Variants in PAK1 observed in about 807,000 individuals in gnomAD.
PAK1 encodes p21 (RAC1) activated kinase 1, also known as serine/threonine-protein kinase PAK 1.
PAK1 carries 29 observed loss-of-function variants against 67.4 expected under a neutral mutation model. That is an observed-to-expected ratio of 0.43 (90% CI 0.32 to 0.59). The LOEUF (loss-of-function observed/expected upper bound fraction) is 0.59. Among genes scored for constraint, PAK1 ranks in the 20% least tolerant of loss-of-function variants. PAK1 has a pLI of 0.07. For synonymous variants in PAK1, 223 were observed against 237.4 expected (o/e 0.94, Z 0.56); for missense variants, 337 against 670.7 (o/e 0.50, Z 5.50).
At chr11:77,489,480 G>C in the PAK1 span, among the ~76,000 whole-genome samples, 1 of 147,948 alleles carries the variant, frequency 6.8e-6, no homozygotes, top group Non-Finnish European at 1.5e-5. Flanking sequence ...CTCTTTCCAC[G>C]GTCTCCCTCT....
intron 2 of PAK1, among the ~76,000 whole-genome samples, chr11:77,382,289 C>T (rs1437967321): frequency 6.6e-6 from 1 of 152,116 alleles, no homozygotes; most frequent in Non-Finnish European, 1.5e-5. Context: ...AATACATGAA[C>T]ACACAGGGTA....
the PAK1 span, among the ~76,000 whole-genome samples, chr11:77,489,769 G>C: frequency 6.6e-6 from 1 of 151,822 alleles, no homozygotes; most frequent in Non-Finnish European, 1.5e-5. Flanking sequence ...TGCCCAGGCT[G>C]GAGTGCAGTG....
intron 1 of PAK1, among the ~76,000 whole-genome samples, chr11:77,425,366 G>C (rs1312479034): frequency 6.6e-6 from 1 of 151,816 alleles, no homozygotes; most frequent in Non-Finnish European, 1.5e-5. Flanking sequence ...TACTCGGTCA[G>C]CCAAGGTTTC....
intron 1 of PAK1, among the ~76,000 whole-genome samples, chr11:77,414,092 T>C (rs973896944): frequency 6.6e-6 from 1 of 152,246 alleles, no homozygotes; most frequent in African/African-American, 2.4e-5. Context: ...TGTAAATTTC[T>C]AATTCTGCTC....
At chr11:77,344,698 C>T (rs1944138736) in intron 9 of PAK1, among the ~76,000 whole-genome samples, 1 of 152,178 alleles carries the variant, frequency 6.6e-6, no homozygotes, top group Non-Finnish European at 1.5e-5. Context: ...GCATACATAG[C>T]TATTCAATAG....
the PAK1 span, among the ~76,000 whole-genome samples, chr11:77,495,439 A>T: frequency 6.6e-6 from 1 of 152,152 alleles, no homozygotes; most frequent in Non-Finnish European, 1.5e-5. Context: ...GCACAACTGC[A>T]CTCCAGCCTG....
At chr11:77,514,828 T>C in the PAK1 span, 4 of 8,346 alleles carry the variant, frequency 4.8e-4, no homozygotes, top group African/African-American at 2.4e-3. Context: ...ATCATCTCAA[T>C]CCTCATAACA....
intron 1 of PAK1, among the ~76,000 whole-genome samples, chr11:77,470,848 AAAAC>A (rs1212547772): frequency 1.3e-5 from 2 of 152,338 alleles, no homozygotes; most frequent in South Asian, 2.1e-4. Context: ...GGTGGTGGTT[AAAAC>A]AAACAAACGA....
At chr11:77,453,358 A>G (rs1956942472) in intron 1 of PAK1, among the ~76,000 whole-genome samples, 1 of 147,182 alleles carries the variant, frequency 6.8e-6, no homozygotes, top group African/African-American at 2.6e-5. Context: ...CAGTCTCAGG[A>G]AAAAAAAAAA....
chr11:77,504,240 A>G, the PAK1 span, among the ~76,000 whole-genome samples: 54,023 of 151,816 alleles, frequency 0.36, 10,877 homozygotes, highest in Admixed American at 0.49. Flanking sequence ...TAGTTTGTTA[A>G]TATAAATAGC....
At chr11:77,329,923 A>C (rs981060636) in intron 14 of PAK1, among the ~76,000 whole-genome samples, 1 of 152,190 alleles carries the variant, frequency 6.6e-6, no homozygotes, top group Non-Finnish European at 1.5e-5. Context: ...GCTGATAAGC[A>C]ACTTCAGCTA....
the PAK1 span, among the ~76,000 whole-genome samples, chr11:77,496,203 G>C: frequency 4.0e-5 from 6 of 151,874 alleles, no homozygotes; most frequent in South Asian, 1.1e-3. Flanking sequence ...ATTTTTAGTA[G>C]AGACGGGGTT....
At chr11:77,498,746 G>T in the PAK1 span, among the ~76,000 whole-genome samples, 2 of 116,944 alleles carry the variant, frequency 1.7e-5, no homozygotes, top group Admixed American at 1.3e-4. Flanking sequence ...CTGTCACTAG[G>T]CTGGAATGCA....
intron 1 of PAK1, among the ~76,000 whole-genome samples, chr11:77,450,043 CT>C (rs750218811): frequency 2.6e-5 from 4 of 152,124 alleles, no homozygotes; most frequent in Non-Finnish European, 5.9e-5. Flanking sequence ...CTTCAGACTC[CT>C]TTTCTGCGAA....
the PAK1 span, among the ~76,000 whole-genome samples, chr11:77,483,195 C>G: frequency 2.4e-5 from 3 of 123,892 alleles, no homozygotes; most frequent in Admixed American, 8.3e-5. Flanking sequence ...GAGACTCCAT[C>G]TCAAAAAAAA....
the PAK1 span, among the ~76,000 whole-genome samples, chr11:77,486,559 T>C: frequency 6.6e-5 from 10 of 152,190 alleles, no homozygotes; most frequent in African/African-American, 2.4e-4. Flanking sequence ...CATCTTGAAT[T>C]GCAGACACCA....
intron 1 of PAK1, among the ~76,000 whole-genome samples, chr11:77,416,177 C>T (rs1045036111): frequency 2.6e-5 from 4 of 152,142 alleles, no homozygotes; most frequent in African/African-American, 9.7e-5. Flanking sequence ...CGGAGTTTCA[C>T]CATGTTGTCC....
intron 1 of PAK1, among the ~76,000 whole-genome samples, chr11:77,465,352 A>G (rs1165052268): frequency 1.3e-5 from 2 of 152,142 alleles, no homozygotes; most frequent in African/African-American, 4.8e-5. Flanking sequence ...TTATAAAAAT[A>G]TGATGGCTAA....
Position 77,374,359 on chromosome 11 carries a change from G to T in PAK1, c.446C>A (p.Ser149Ter). 6.3e-7 allele frequency: 1 copy of T among 1,596,006 alleles called. No homozygotes were observed. Among genetic ancestry groups the T allele is most frequent in the Non-Finnish European group, 8.6e-7 (1 of 1,163,788 alleles). The change falls in exon 5 of 15, where the codon TCA (serine) becomes TAA (stop). Residue 149 changes from serine (S) to a stop codon, truncating the protein, a stop_gained. Transcript: ENST00000356341. LOFTEE classifies it high-confidence loss of function. ...ATTAGAAGAATTGTAATCCTCAGCT[G>T]ACTTATCTGCACAGGAAGAAAAACA... ...SQKYMSFTDK[S>*]AEDYNSSNAL...
Sources: allele counts gnomAD v4.1 joint callset (sites outside exome capture counted in the v4.1 genomes callset), GRCh38; gene constraint gnomAD v4.1.1; transcripts MANE v1.5; gene names NCBI Gene and HGNC (gene_info 2026-07-23, HGNC 2026-07-21).